Variants in FLNB observed in about 807,000 individuals in gnomAD.
The protein encoded by FLNB is filamin B, also known as filamin-B.
FLNB carries 111 observed loss-of-function variants against 250.6 expected under a neutral mutation model. The ratio of observed to expected loss-of-function variants is 0.44; its 90% CI spans 0.38 to 0.52. The LOEUF is 0.52. Ranked by LOEUF, FLNB falls within the 20% of genes least tolerant of loss-of-function variation. FLNB has a pLI of 0.00. For synonymous variants in FLNB, 1,302 were observed against 1,372.1 expected (o/e 0.95, Z 1.13); for missense variants, 2,869 against 3,447.8 (o/e 0.83, Z 4.20).
At chr3:58,053,017 A>C (rs1213052200) in intron 1 of FLNB, among the ~76,000 whole-genome samples, 1 of 152,150 alleles carries the variant, frequency 6.6e-6, no homozygotes, top group African/African-American at 2.4e-5. Context: ...CATTCCTGCA[A>C]GGTATAGACA....
At chr3:58,119,796 T>C (rs1370465196) in intron 19 of FLNB, among the ~76,000 whole-genome samples, 1 of 152,252 alleles carries the variant, frequency 6.6e-6, no homozygotes, top group East Asian at 1.9e-4. Context: ...GTTTCTGTTC[T>C]TCCAGATCTT....
At chr3:58,081,307 A>G (rs1014381833) in intron 3 of FLNB, among the ~76,000 whole-genome samples, 2 of 152,122 alleles carry the variant, frequency 1.3e-5, no homozygotes, top group Non-Finnish European at 1.5e-5. Context: ...CTGCCTTGCT[A>G]TAGCTTATCC....
intron 18 of FLNB, among the ~76,000 whole-genome samples, chr3:58,113,589 G>A (rs547826991): frequency 1.8e-4 from 28 of 152,298 alleles, no homozygotes; most frequent in African/African-American, 6.5e-4. Context: ...GGGATTCCCT[G>A]GGCGAAGGGA....
chr3:58,163,590 C>A, intron 43 of FLNB: 1 of 508,574 alleles, frequency 2.0e-6, no homozygotes, highest in Non-Finnish European at 3.6e-6. Flanking sequence ...CTTCCTCTGC[C>A]AAGTTTCTTG....
At position 58,169,892 on chromosome 3, in the gene FLNB, C is replaced by A; in HGVS notation, c.7621+99C>A. 1.1e-6 allele frequency: 1 copy of A among 890,752 alleles called. No individual in the cohort carries two copies. The highest frequency in any genetic ancestry group is 1.8e-6 in the Non-Finnish European group (1 of 565,232). The allele number at this position is 890,752 out of a possible 1,614,324, so 55.2% of individuals were successfully genotyped here. A position where few individuals can be genotyped will look rare whatever the true frequency, so the allele number is the denominator to read the frequency against. ...CTGCTGAGGTCTCCTGCAGTGCCCA[C>A]CCCCATGTAGGCCAGCCGTTTGCAA... On this transcript the variant is annotated intron_variant, in intron 45 of 45. Transcript: ENST00000295956. This position sits in a 1 kb window ranked among gnomAD's most constrained non-coding sequence, Gnocchi z 4.8.
chr3:58,098,609 A>C, intron 7 of FLNB, 102 bp from the exon 8 acceptor site: 1 of 1,125,850 alleles, frequency 8.9e-7, no homozygotes, highest in Non-Finnish European at 1.3e-6. Context: ...CTGGGATTAC[A>C]AGCATGAGCC....
chr3:58,092,178 C>T (rs1035633713), intron 4 of FLNB, among the ~76,000 whole-genome samples: 9 of 152,132 alleles, frequency 5.9e-5, no homozygotes, highest in South Asian at 2.1e-4. Context: ...GAGAAAAATG[C>T]GAATTAATCC....
intron 42 of FLNB, among the ~76,000 whole-genome samples, chr3:58,161,275 C>T (rs372908904): frequency 1.3e-5 from 2 of 152,078 alleles, no homozygotes; most frequent in East Asian, 3.9e-4. Flanking sequence ...GTGATTGGGT[C>T]GGAAGATGAC....
At position 58,149,881 on chromosome 3, in the gene FLNB, C is replaced by G; in HGVS notation, c.6123C>G (p.Gly2041=). The G allele has an allele frequency of 6.2e-7, 1 of 1,614,212 alleles. No individual in the cohort carries two copies. The highest frequency in any genetic ancestry group is 8.5e-7 in the Non-Finnish European group (1 of 1,180,032). The part of the protein sequence containing the change: ...GYGGISLAVE[G]PSKVDIQTED... ...GTGGCATATCCTTGGCGGTGGAAGG[C>G]CCCAGCAAAGTGGACATCCAGACGG... The change falls in exon 37 of 46, where the codon GGC becomes GGG. Residue 2041 remains glycine (G), a synonymous_variant. Transcript: ENST00000295956.
At chr3:58,038,383 C>T (rs2097141147) in intron 1 of FLNB, among the ~76,000 whole-genome samples, 1 of 151,274 alleles carries the variant, frequency 6.6e-6, no homozygotes, top group African/African-American at 2.4e-5. Context: ...GTCTTTTTGG[C>T]ACCAAGTCAA....
Position 58,093,504 on chromosome 3 carries a change from G to T in FLNB, c.788-1332G>T, listed in dbSNP as rs192908078. Reference sequence around the variant, plus strand: ...GCCACATCTTGAAAGCTATCCGGGAGCCCACTAAGAGTTGCCTGATTAGAA... The same window carrying T: ...GCCACATCTTGAAAGCTATCCGGGATCCCACTAAGAGTTGCCTGATTAGAA... On this transcript the variant is annotated intron_variant, in intron 4 of 45. Coordinates refer to ENST00000295956, the MANE Select transcript of FLNB (RefSeq NM_001457.4). 1.1e-4 allele frequency among the ~76,000 whole-genome samples: 16 copies of T among 152,246 alleles called. No individual in the cohort carries two copies. The East Asian group carries it at 3.1e-3, about 29-fold the overall frequency.
intron 3 of FLNB, among the ~76,000 whole-genome samples, chr3:58,080,122 A>G (rs1268564026): frequency 1.3e-5 from 2 of 152,210 alleles, no homozygotes; most frequent in East Asian, 1.9e-4. Context: ...CCAAATCGAC[A>G]CACATCCTAC....
At chr3:58,115,607 C>A (rs1196458348) in intron 18 of FLNB, among the ~76,000 whole-genome samples, 1 of 152,176 alleles carries the variant, frequency 6.6e-6, no homozygotes, top group Non-Finnish European at 1.5e-5. Flanking sequence ...TTCAGAGTCA[C>A]CCCAAGGTCA....
At chr3:58,083,780 C>T (rs990943428) in intron 4 of FLNB, among the ~76,000 whole-genome samples, 22 of 152,122 alleles carry the variant, frequency 1.4e-4, no homozygotes, top group African/African-American at 2.7e-4. Flanking sequence ...TTTGAGGTTC[C>T]GTTTGCAGTG....
In FLNB at chr3:58,143,594, C is replaced by A; in HGVS notation, c.5406C>A (p.Tyr1802Ter). The A allele has an allele frequency of 6.2e-7, 1 of 1,614,074 alleles. No homozygotes were observed. Among genetic ancestry groups the A allele is most frequent in the Non-Finnish European group, 8.5e-7 (1 of 1,180,036 alleles). Residue 1802 changes from tyrosine (Y) to a stop codon, truncating the protein, a stop_gained, in exon 32 of 46, where the codon TAC becomes TAA. Coordinates refer to ENST00000295956, the MANE Select transcript of FLNB (RefSeq NM_001457.4). LOFTEE classifies it high-confidence loss of function. ...GGCTCCATGAGATGCACATCAAATA[C>A]ATGGGCAGCCACATCCCTGGTAAGC... ...EVGLHEMHIK[Y>*]MGSHIPESPL... is the part of the protein sequence containing the mutation.
chr3:58,105,336 C>T (rs2107100095), intron 11 of FLNB, 120 bp downstream of exon 11: 2 of 1,250,756 alleles, frequency 1.6e-6, no homozygotes, highest in South Asian at 2.5e-5. Flanking sequence ...TCCTGGCCTC[C>T]TGGCCACCCT....
chr3:58,013,107 T>C (rs986498005), intron 1 of FLNB, among the ~76,000 whole-genome samples: 4 of 152,186 alleles, frequency 2.6e-5, no homozygotes, highest in African/African-American at 7.2e-5. Context: ...GAGTTGGCAG[T>C]TTTATTTACT....
At chr3:58,140,218 A>C (rs564972263) in intron 29 of FLNB, among the ~76,000 whole-genome samples, 2 of 152,226 alleles carry the variant, frequency 1.3e-5, no homozygotes, top group Non-Finnish European at 1.5e-5. Context: ...AGTCATAGCA[A>C]ATGTCTCAAG....
At chr3:58,041,827 C>T (rs992168947) in intron 1 of FLNB, among the ~76,000 whole-genome samples, 1 of 152,106 alleles carries the variant, frequency 6.6e-6, no homozygotes, top group African/African-American at 2.4e-5. Flanking sequence ...GGAAGCTTCC[C>T]GAGCAGCTTG....
Sources: gnomAD v4.1 joint callset for allele counts (sites outside exome capture counted in the v4.1 genomes callset) on GRCh38, gnomAD v4.1.1 for gene constraint, Gnocchi (gnomAD v3.1) non-coding constraint, MANE v1.5 for transcripts, NCBI Gene and HGNC (gene_info 2026-07-23, HGNC 2026-07-21) for gene names.